Variants in CASD1 observed in about 807,000 individuals in gnomAD.
CASD1 encodes the protein CAS1 domain sialic acid O acetyltransferase 1.
A neutral mutation model predicts 100.0 loss-of-function variants in CASD1; 41 were observed. The observed-to-expected ratio is 0.41, with a 90% CI of 0.32 to 0.53. CASD1 has a LOEUF of 0.53. CASD1 is among the 20% of genes least tolerant of loss of function. The probability of loss-of-function intolerance (pLI) is 0.25; values close to 1 mark genes in which losing one functional copy is unlikely to be tolerated. For missense variants in CASD1, 774 were observed against 948.7 expected (o/e 0.82, Z 2.42); for synonymous variants, 321 against 315.6 (o/e 1.02, Z -0.18).
the CASD1 span, among the ~76,000 whole-genome samples, chr7:94,630,349 G>A: frequency 2.0e-5 from 3 of 151,628 alleles, no homozygotes; most frequent in South Asian, 6.2e-4. Context: ...TACATGTAAT[G>A]CGGTTTTTAC....
chr7:94,569,627 T>C, the CASD1 span, among the ~76,000 whole-genome samples: 2 of 151,842 alleles, frequency 1.3e-5, no homozygotes, highest in Admixed American at 6.6e-5. Context: ...ATTTTTTGTA[T>C]AGATAGGAGT....
the CASD1 span, chr7:94,603,377 C>T: frequency 5.6e-6 from 9 of 1,612,834 alleles, no homozygotes; most frequent in Admixed American, 1.5e-4. Context: ...GACTACATCT[C>T]AATTGATTCT....
the CASD1 span, among the ~76,000 whole-genome samples, chr7:94,596,424 A>G: frequency 6.6e-6 from 1 of 152,040 alleles, no homozygotes; most frequent in Non-Finnish European, 1.5e-5. Context: ...AAGTTCCCCT[A>G]CTCATTATAA....
chr7:94,620,684 CT>C, the CASD1 span: 2 of 152,142 alleles, frequency 1.3e-5, no homozygotes, highest in Admixed American at 6.5e-5. Context: ...GTATCTAAAA[CT>C]TTTTTCTTAT....
chr7:94,561,600 A>C (rs1037147001), downstream of CASD1, among the ~76,000 whole-genome samples: 30 of 152,020 alleles, frequency 2.0e-4, no homozygotes, highest in African/African-American at 6.5e-4. Flanking sequence ...GCACAGATTC[A>C]ATTTTTTTTT....
downstream of CASD1, among the ~76,000 whole-genome samples, chr7:94,559,731 G>A (rs1056879506): frequency 1.3e-5 from 2 of 152,006 alleles, no homozygotes; most frequent in Non-Finnish European, 2.9e-5. Context: ...TCACCGTGTT[G>A]GCCAGGCTGT....
At chr7:94,587,435 T>C in the CASD1 span, 1 of 1,170,100 alleles carries the variant, frequency 8.5e-7, no homozygotes, top group African/African-American at 1.6e-5. Context: ...GATAGAAATC[T>C]TAGGCGAGAT....
chr7:94,562,006 T>A (rs1024749554), downstream of CASD1, among the ~76,000 whole-genome samples: 24 of 152,152 alleles, frequency 1.6e-4, no homozygotes, highest in African/African-American at 5.6e-4. Flanking sequence ...TATAAACAAT[T>A]CTATGAAACT....
intron 1 of CASD1, among the ~76,000 whole-genome samples, chr7:94,511,705 GAA>G (rs1409011167): frequency 2.0e-5 from 3 of 152,182 alleles, no homozygotes; most frequent in Non-Finnish European, 2.9e-5. Flanking sequence ...GTAGTAGAGA[GAA>G]ATTTTATAAC....
chr7:94,523,281 A>T (rs11980112), intron 3 of CASD1, among the ~76,000 whole-genome samples: 7,394 of 152,274 alleles, frequency 0.049, 592 homozygotes, highest in African/African-American at 0.17. Context: ...CTACATAGAA[A>T]ATCCCAAAAA....
the CASD1 span, chr7:94,587,181 T>A: frequency 1.0e-6 from 1 of 985,212 alleles, no homozygotes; most frequent in Non-Finnish European, 1.2e-6. Flanking sequence ...AGGCATAAAT[T>A]GTCCTTGTAT....
At chr7:94,628,711 C>A in the CASD1 span, 1 of 253,696 alleles carries the variant, frequency 3.9e-6, no homozygotes, top group Non-Finnish European at 7.7e-6. Context: ...GCGAAATATT[C>A]CGTTCATGAA....
At chr7:94,571,614 T>G in the CASD1 span, among the ~76,000 whole-genome samples, 1 of 152,172 alleles carries the variant, frequency 6.6e-6, no homozygotes, top group East Asian at 1.9e-4. Flanking sequence ...GGAAATTGTT[T>G]CCTGGAAACA....
At chr7:94,544,558 T>C (rs1795581780) in intron 11 of CASD1, 28 bp downstream of exon 11, 1 of 1,597,372 alleles carries the variant, frequency 6.3e-7, no homozygotes, top group African/African-American at 1.3e-5. Context: ...TTTCCTTTTC[T>C]TCCAGTTGAA....
At chr7:94,516,247 A>G (rs1202288327) in intron 1 of CASD1, among the ~76,000 whole-genome samples, 1 of 152,168 alleles carries the variant, frequency 6.6e-6, no homozygotes, top group African/African-American at 2.4e-5. Context: ...CAATAAGATA[A>G]TGCAACATTT....
At chr7:94,603,993 G>T in the CASD1 span, among the ~76,000 whole-genome samples, 835 of 152,092 alleles carry the variant, frequency 5.5e-3, 10 homozygotes, top group African/African-American at 0.019. Flanking sequence ...ACCCCTATAT[G>T]CTTGGTCTCT....
intron 1 of CASD1, 109 bp downstream of exon 1, chr7:94,510,326 C>G (rs1186280792): frequency 4.0e-5 from 35 of 867,534 alleles, no homozygotes; most frequent in Non-Finnish European, 5.2e-5. Flanking sequence ...TTCCGCCGGC[C>G]CGGCCCGCGG....
chr7:94,510,256 G>A (rs938526602), intron 1 of CASD1, 39 bp downstream of exon 1: 4 of 1,371,358 alleles, frequency 2.9e-6, no homozygotes, highest in Non-Finnish European at 2.9e-6. Context: ...AGGCCGTGGG[G>A]GAGGCGGCGA....
At position 94,544,511 on chromosome 7, in the gene CASD1, G is replaced by C; in HGVS notation, c.1457G>C (p.Gly486Ala). The C allele has an allele frequency of 6.2e-7, 1 of 1,612,650 alleles. No homozygotes were observed. The highest frequency in any genetic ancestry group is 1.3e-5 in the African/African-American group (1 of 74,972). The change falls in exon 11 of 18, where the codon GGA becomes GCA. Residue 486 changes from glycine to alanine, a missense_variant. By Grantham distance (60) the Gly-to-Ala change is moderately conservative (BLOSUM62 0). Around this residue, in one of 5 missense-constraint regions of CASD1, gnomAD observed 453 missense variants for 532.6 expected, o/e 0.85. Coordinates refer to ENST00000297273, the MANE Select transcript of CASD1 (RefSeq NM_022900.5). ...TACTTTTGGATAAAAGGAGATTTTGGAATCTATAGAGTATGTCAGGTAGGA... is the reference window on the plus strand; with the variant it reads ...TACTTTTGGATAAAAGGAGATTTTGCAATCTATAGAGTATGTCAGGTAGGA... The part of the protein sequence containing the change: ...FSYFWIKGDF[G>A]IYRVCQVLFR...
Sources: gnomAD v4.1 joint callset for allele counts (sites outside exome capture counted in the v4.1 genomes callset) on GRCh38, gnomAD v4.1.1 for gene constraint, gnomAD v4.1.1 regional missense constraint, MANE v1.5 for transcripts, NCBI Gene and HGNC (gene_info 2026-07-23, HGNC 2026-07-21) for gene names.